SLC9A9: variants seen among roughly 807,000 people sequenced by gnomAD.
SLC9A9 encodes the protein solute carrier family 9 member A9.
SLC9A9 carries 62 observed loss-of-function variants against 77.8 expected under a neutral mutation model. That is an observed-to-expected ratio of 0.80 (90% CI 0.65 to 0.98). SLC9A9 has a LOEUF of 0.98. Among genes scored for constraint, SLC9A9 ranks in the 50% least tolerant of loss-of-function variants. The probability of loss-of-function intolerance (pLI) is 0.00; values close to 1 mark genes in which losing one functional copy is unlikely to be tolerated. For synonymous variants in SLC9A9, 320 were observed against 283.5 expected, an observed-to-expected ratio of 1.13 and a Z score of -1.29; for missense variants, 775 against 774.9, an observed-to-expected ratio of 1.00 and a Z score of 0.00.
chr3:143,768,106 CA>C (rs1192144463), intron 4 of SLC9A9, among the ~76,000 whole-genome samples: 1 of 152,088 alleles, frequency 6.6e-6, no homozygotes, highest in African/African-American at 2.4e-5. Flanking sequence ...TTATTCTTCA[CA>C]CTACCTCCTC....
intron 8 of SLC9A9, among the ~76,000 whole-genome samples, chr3:143,564,346 G>C (rs1164821752): frequency 1.3e-5 from 2 of 152,128 alleles, no homozygotes; most frequent in African/African-American, 4.8e-5. Flanking sequence ...CAGACTTGAA[G>C]AGTTTCTAAG....
intron 12 of SLC9A9, among the ~76,000 whole-genome samples, chr3:143,382,720 C>A (rs1385228980): frequency 6.6e-6 from 1 of 152,144 alleles, no homozygotes; most frequent in Non-Finnish European, 1.5e-5. Context: ...TTAAAGCTGG[C>A]AAATGCAATA....
rs2008332718 is a variant in SLC9A9 at position 143,794,924 on chromosome 3, T to A, written c.533+77A>T. 24 of 1,307,082 alleles carry A rather than the reference T, an allele frequency of 1.8e-5. No individual in the cohort carries two copies. In the South Asian group the frequency reaches 2.7e-4, roughly 15 times the overall value. 81.0% of individuals were successfully genotyped at this position (1,307,082 alleles called of 1,614,324 possible). ...AGACAATTTTCCCAGCCAGCAAGAA[T>A]CCTGGAAGTGTTAGATCCCTCACAC... is the stretch of plus-strand genomic sequence containing the variant. On this transcript the variant is annotated intron_variant, in intron 4 of 15. Coordinates refer to ENST00000316549, the MANE Select transcript of SLC9A9 (RefSeq NM_173653.4).
chr3:143,651,202 G>T (rs2038788800), intron 6 of SLC9A9, among the ~76,000 whole-genome samples: 2 of 152,136 alleles, frequency 1.3e-5, no homozygotes, highest in Non-Finnish European at 2.9e-5. Flanking sequence ...TTGTGAATCT[G>T]CCCATGGCTT....
chr3:143,489,153 TA>T (rs2035700786), intron 11 of SLC9A9, among the ~76,000 whole-genome samples: 1 of 151,852 alleles, frequency 6.6e-6, no homozygotes, highest in Admixed American at 6.6e-5. Context: ...TCAAAAATAT[TA>T]AAATACTTAG....
chr3:143,400,034 T>A (rs2033817379), intron 12 of SLC9A9, among the ~76,000 whole-genome samples: 1 of 152,226 alleles, frequency 6.6e-6, no homozygotes, highest in East Asian at 1.9e-4. Context: ...TATTACTTTA[T>A]GTACATCTAA....
intron 9 of SLC9A9, among the ~76,000 whole-genome samples, chr3:143,515,122 G>T (rs1367790667): frequency 6.6e-6 from 1 of 152,142 alleles, no homozygotes; most frequent in Non-Finnish European, 1.5e-5. Flanking sequence ...GAATAGGGAG[G>T]CCAGAGAGGA....
At chr3:143,720,060 A>G (rs1373024929) in intron 4 of SLC9A9, among the ~76,000 whole-genome samples, 1 of 151,814 alleles carries the variant, frequency 6.6e-6, no homozygotes, top group Non-Finnish European at 1.5e-5. Flanking sequence ...AAGGCTTCCA[A>G]ATGAATATTC....
At chr3:143,448,668 C>G (rs1031883437) in intron 12 of SLC9A9, among the ~76,000 whole-genome samples, 1 of 150,892 alleles carries the variant, frequency 6.6e-6, no homozygotes, top group African/African-American at 2.4e-5. Context: ...TACCCTTTGA[C>G]TTTCTAATTC....
At position 143,578,634 on chromosome 3, in the gene SLC9A9, A is replaced by G. The variant is rs1327517616; in HGVS notation, c.845T>C (p.Phe282Ser). The G allele has an allele frequency of 1.2e-6, 2 of 1,613,988 alleles. No individual in the cohort carries two copies. The highest frequency in any genetic ancestry group is 1.7e-6 in the Non-Finnish European group (2 of 1,179,976). ...FQSVGNFLGIFAGSFAMGSAY... is the reference protein window; with the variant it reads ...FQSVGNFLGISAGSFAMGSAY... ...AGACCCCATTGCAAATGAGCCAGCG[A>G]AGATTCCCAGGAAATTCCCCACAGA... Residue 282 changes from phenylalanine (F) to serine (S), a missense_variant, in exon 7 of 16, where the codon TTC (phenylalanine) becomes TCC (serine). By Grantham distance (155) the Phe-to-Ser change is radical. Coordinates refer to ENST00000316549, the MANE Select transcript of SLC9A9 (RefSeq NM_173653.4).
chr3:143,766,624 C>G (rs888563484), intron 4 of SLC9A9, among the ~76,000 whole-genome samples: 3 of 152,146 alleles, frequency 2.0e-5, no homozygotes, highest in African/African-American at 7.2e-5. Context: ...GACTGGAGAG[C>G]AGTGGCCTGA....
At chr3:143,431,038 C>T (rs908879262) in intron 12 of SLC9A9, among the ~76,000 whole-genome samples, 1 of 152,166 alleles carries the variant, frequency 6.6e-6, no homozygotes, top group Non-Finnish European at 1.5e-5. Context: ...TTTCCTAATA[C>T]ATGAGAAAAA....
Position 143,265,843 on chromosome 3 carries a change from A to G in SLC9A9, c.*859T>C, listed in dbSNP as rs908753344. On this transcript the variant is annotated 3_prime_UTR_variant, in exon 16 of 16. Coordinates refer to ENST00000316549, the MANE Select transcript of SLC9A9 (RefSeq NM_173653.4). The stretch of plus-strand genomic sequence containing the variant: ...GCTCCTGCACAGTCTGCTGCCAGGT[A>G]GAGAGCAACACAGGCTGCAGAATCC... 20 of 591,486 alleles carry G rather than the reference A, an allele frequency of 3.4e-5. No homozygotes were observed. The highest frequency in any genetic ancestry group is 5.7e-5 in the Non-Finnish European group (19 of 331,746). 36.6% of individuals were successfully genotyped at this position (591,486 alleles called of 1,614,324 possible).
intron 12 of SLC9A9, among the ~76,000 whole-genome samples, chr3:143,463,773 A>G (rs1461949680): frequency 6.6e-6 from 1 of 152,228 alleles, no homozygotes. Flanking sequence ...GAAAAATACA[A>G]CAGCTCCAGG....
At chr3:143,771,020 A>T (rs944469851) in intron 4 of SLC9A9, among the ~76,000 whole-genome samples, 5 of 148,490 alleles carry the variant, frequency 3.4e-5, no homozygotes, top group African/African-American at 1.0e-4. Flanking sequence ...AAAGTAAAAT[A>T]AAAAAAAAAG....
chr3:143,375,960 C>G (rs1403394554), intron 13 of SLC9A9, among the ~76,000 whole-genome samples: 1 of 152,096 alleles, frequency 6.6e-6, no homozygotes, highest in Non-Finnish European at 1.5e-5. Flanking sequence ...TTCCTTTAGA[C>G]ATCTGCATGA....
At position 143,796,809 on chromosome 3, in the gene SLC9A9, G is replaced by T; in HGVS notation, c.456+17C>A. The T allele has an allele frequency of 6.4e-7, 1 of 1,551,416 alleles. No individual in the cohort carries two copies. Among genetic ancestry groups the T allele is most frequent in the Non-Finnish European group, 8.9e-7 (1 of 1,129,760 alleles). On this transcript the variant is annotated intron_variant, in intron 3 of 15. Coordinates refer to ENST00000316549, the MANE Select transcript of SLC9A9 (RefSeq NM_173653.4). ...CTACTTAATGATAAAAGAAGAAAAT[G>T]ATCACTATATATTTACCTTCTTTAG...
chr3:143,502,936 A>G (rs1032899249), intron 9 of SLC9A9, among the ~76,000 whole-genome samples: 2 of 152,216 alleles, frequency 1.3e-5, no homozygotes, highest in African/African-American at 2.4e-5. Context: ...AAGTATATCC[A>G]TAGCTATTTT....
intron 4 of SLC9A9, among the ~76,000 whole-genome samples, chr3:143,729,352 C>T (rs1934744306): frequency 6.6e-6 from 1 of 152,196 alleles, no homozygotes. Context: ...TTCAGTGCCT[C>T]ATCTGTAAAA....
Sources: allele counts gnomAD v4.1 joint callset (sites outside exome capture counted in the v4.1 genomes callset), GRCh38; gene constraint gnomAD v4.1.1; transcripts MANE v1.5; gene names NCBI Gene and HGNC (gene_info 2026-07-23, HGNC 2026-07-21).